MTMR12: variants seen among roughly 807,000 people sequenced by gnomAD.
MTMR12 encodes the protein myotubularin related protein 12.
Under a neutral mutation model 96.7 loss-of-function variants are expected in MTMR12, and 33 were observed. The observed-to-expected ratio is 0.34, with a 90% CI of 0.26 to 0.46. MTMR12 has a LOEUF of 0.46. Ranked by LOEUF, MTMR12 falls within the 20% of genes least tolerant of loss-of-function variation. MTMR12 has a pLI of 1.00. For synonymous variants in MTMR12, 298 were observed against 327.2 expected, an observed-to-expected ratio of 0.91 and a Z score of 0.96; for missense variants, 721 against 896.1, an observed-to-expected ratio of 0.80 and a Z score of 2.49.
At chr5:32,261,932 C>T (rs1019159319) in intron 7 of MTMR12, among the ~76,000 whole-genome samples, 2 of 152,258 alleles carry the variant, frequency 1.3e-5, no homozygotes, top group East Asian at 1.9e-4. Flanking sequence ...ATTAGCCAGG[C>T]GTGGCGGCAG....
At chr5:32,256,170 G>A (rs138767180) in intron 7 of MTMR12, among the ~76,000 whole-genome samples, 144 of 152,264 alleles carry the variant, frequency 9.5e-4, no homozygotes, top group African/African-American at 3.1e-3. Context: ...AGGAAAAACA[G>A]TAATTATGAG....
intron 1 of MTMR12, among the ~76,000 whole-genome samples, chr5:32,284,948 T>C (rs1164712780): frequency 1.3e-5 from 2 of 152,188 alleles, no homozygotes; most frequent in Non-Finnish European, 2.9e-5. Context: ...CCATTTGAAT[T>C]TGAACAAAGC....
At chr5:32,304,787 C>T (rs1000037495) in intron 1 of MTMR12, among the ~76,000 whole-genome samples, 1 of 152,198 alleles carries the variant, frequency 6.6e-6, no homozygotes, top group Non-Finnish European at 1.5e-5. Flanking sequence ...GCAGGAAGTG[C>T]TGCTTGACAG....
chr5:32,276,872 AC>A (rs1750072396), intron 1 of MTMR12, 130 bp from the exon 2 acceptor site: 13 of 298,308 alleles, frequency 4.4e-5, no homozygotes, highest in South Asian at 1.5e-4. Flanking sequence ...GTTACAAGCT[AC>A]TTTTTTTTTT....
At chr5:32,309,135 G>A (rs1222449550) in intron 1 of MTMR12, among the ~76,000 whole-genome samples, 1 of 152,170 alleles carries the variant, frequency 6.6e-6, no homozygotes, top group East Asian at 1.9e-4. Context: ...AAATACATCA[G>A]GCACTGTGGG....
Position 32,236,694 on chromosome 5 carries a change from G to T in MTMR12, c.1345-1565C>A, listed in dbSNP as rs138704116. 8.6e-5 allele frequency among the ~76,000 whole-genome samples: 13 copies of T among 151,636 alleles called. No individual in the cohort carries two copies. The East Asian group carries it at 2.5e-3, about 30-fold the overall frequency. On this transcript the variant is annotated intron_variant, in intron 13 of 15. Coordinates refer to ENST00000382142, the MANE Select transcript of MTMR12 (RefSeq NM_001040446.3). Reference sequence around the variant, plus strand: ...CTCTACTAAAAATACAAAATTAGCCGGGAATGGAGGGGAATGCCTGTAATC... The same window carrying T: ...CTCTACTAAAAATACAAAATTAGCCTGGAATGGAGGGGAATGCCTGTAATC...
rs867368127 is a variant in MTMR12 at position 32,310,543 on chromosome 5, A to T, written c.81+2215T>A. ...GTCATTATGTTAAGTGAACTACGCC[A>T]GGCGCAGAAAGACAAACTTTGCACG... On this transcript the variant is annotated intron_variant, in intron 1 of 15. Transcript: ENST00000382142. 4.6e-5 allele frequency among the ~76,000 whole-genome samples: 7 copies of T among 152,376 alleles called. No individual in the cohort carries two copies. The South Asian group carries it at 1.4e-3, about 32-fold the overall frequency.
In MTMR12 at chr5:32,233,852, G is replaced by A; in HGVS notation, c.1595C>T (p.Ala532Val). The part of the protein sequence containing the change: ...WDWSVQFEPK[A>V]QTLLKNPLYV... ...AAGAGGGTTTTTGAGCAATGTCTGG[G>A]CTTTGGGTTCAAACTGCACCGACCA... The change falls in exon 15 of 16, where the codon GCC (alanine) becomes GTC (valine). Residue 532 changes from alanine to valine, a missense_variant. Physicochemically the swap from Ala to Val is moderately conservative, Grantham distance 64. Transcript: ENST00000382142. The surrounding 1 kb of genome is among the most constrained non-coding windows in gnomAD (Gnocchi z 5.0). The A allele has an allele frequency of 1.9e-6, 3 of 1,614,108 alleles. No individual in the cohort carries two copies. The highest frequency in any genetic ancestry group is 2.5e-6 in the Non-Finnish European group (3 of 1,180,016).
chr5:32,253,143 C>T (rs1749007340), intron 8 of MTMR12, among the ~76,000 whole-genome samples: 1 of 152,172 alleles, frequency 6.6e-6, no homozygotes, highest in Admixed American at 6.5e-5. Context: ...GATAGGGGTG[C>T]TACTGGCACC....
rs766255968 is a variant in MTMR12, at chr5:32,229,791, A to G, written c.2231T>C (p.Leu744Pro). The G allele has an allele frequency of 9.8e-6, 15 of 1,536,630 alleles. No homozygotes were observed. In the South Asian group the frequency reaches 1.8e-4, roughly 18 times the overall value. ...LAKREDEFVD[L>P]GDV ...TCAACAAACAGGTCACACATCCCCT[A>G]GGTCCACGAACTCATCTTCTCGTTT... Residue 744 changes from leucine to proline, a missense_variant, in exon 16 of 16, where the codon CTA becomes CCA. Coordinates refer to ENST00000382142, the MANE Select transcript of MTMR12 (RefSeq NM_001040446.3).
chr5:32,273,171 G>A (rs928739958), intron 3 of MTMR12, among the ~76,000 whole-genome samples: 4 of 152,142 alleles, frequency 2.6e-5, no homozygotes, highest in Admixed American at 1.3e-4. Context: ...AGGCCAAAGC[G>A]GGTGGATTTC....
intron 1 of MTMR12, among the ~76,000 whole-genome samples, chr5:32,281,822 C>T (rs553758682): frequency 2.6e-5 from 4 of 151,576 alleles, no homozygotes; most frequent in Non-Finnish European, 4.4e-5. Flanking sequence ...GTCACTTGAA[C>T]CTGGGAGGTG....
chr5:32,274,497 T>TATGCTTACTTA (rs1250998697), intron 2 of MTMR12, among the ~76,000 whole-genome samples: 1 of 152,114 alleles, frequency 6.6e-6, no homozygotes, highest in African/African-American at 2.4e-5. Flanking sequence ...ATACCCTAAG[T>TATGCTTACTTA]GAACACAGAT....
intron 1 of MTMR12, among the ~76,000 whole-genome samples, chr5:32,302,007 T>C (rs1471761844): frequency 6.6e-6 from 1 of 152,112 alleles, no homozygotes; most frequent in African/African-American, 2.4e-5. Flanking sequence ...TGGCAATCTG[T>C]CACAAGAGGA....
chr5:32,264,521 C>T (rs1749518149), intron 6 of MTMR12, among the ~76,000 whole-genome samples: 2 of 151,372 alleles, frequency 1.3e-5, no homozygotes, highest in South Asian at 2.1e-4. Flanking sequence ...AGTGCAGCGG[C>T]GTGATCTCAG....
chr5:32,257,995 C>T (rs970705185), intron 7 of MTMR12, among the ~76,000 whole-genome samples: 3 of 151,940 alleles, frequency 2.0e-5, no homozygotes, highest in Admixed American at 2.0e-4. Flanking sequence ...AGCATAGTGG[C>T]GGGCACCTAT....
intron 1 of MTMR12, among the ~76,000 whole-genome samples, chr5:32,306,881 A>G (rs995545811): frequency 2.6e-5 from 4 of 152,198 alleles, no homozygotes; most frequent in Admixed American, 2.6e-4. Flanking sequence ...TTCAGGTCAA[A>G]CACTGACCTA....
chr5:32,307,393 C>T (rs1224479836), intron 1 of MTMR12, among the ~76,000 whole-genome samples: 1 of 151,970 alleles, frequency 6.6e-6, no homozygotes, highest in Non-Finnish European at 1.5e-5. Context: ...GTGTCTGGGG[C>T]TGGGCTGGGG....
At chr5:32,242,243 T>G in intron 11 of MTMR12, 116 bp from the exon 12 acceptor site, 1 of 601,224 alleles carries the variant, frequency 1.7e-6, no homozygotes, top group Non-Finnish European at 2.7e-6. Flanking sequence ...TATTTTTTTT[T>G]TTTCCACGCT....
Sources: gnomAD v4.1 joint callset for allele counts (sites outside exome capture counted in the v4.1 genomes callset) on GRCh38, gnomAD v4.1.1 for gene constraint, Gnocchi (gnomAD v3.1) non-coding constraint, MANE v1.5 for transcripts, NCBI Gene and HGNC (gene_info 2026-07-23, HGNC 2026-07-21) for gene names.